Variants in SNTG1 observed in about 807,000 individuals in gnomAD.
SNTG1 encodes syntrophin gamma 1.
A neutral mutation model predicts 74.7 loss-of-function variants in SNTG1; 39 were observed. The observed-to-expected ratio is 0.52, with a 90% confidence interval of 0.40 to 0.68. The LOEUF is 0.68. Ranked by LOEUF, SNTG1 falls within the 30% of genes least tolerant of loss-of-function variation. The pLI, the probability that SNTG1 is intolerant of heterozygous loss-of-function variation, is 0.00. For missense variants in SNTG1, 685 were observed against 609.5 expected, an observed-to-expected ratio of 1.12 and a Z score of -1.30; for synonymous variants, 254 against 217.1, an observed-to-expected ratio of 1.17 and a Z score of -1.49.
intron 2 of SNTG1, among the ~76,000 whole-genome samples, chr8:50,208,156 G>C (rs2084336301): frequency 6.6e-6 from 1 of 152,174 alleles, no homozygotes; most frequent in South Asian, 2.1e-4. Context: ...GTGTAATGTG[G>C]ACAGTGGGAT....
intron 1 of SNTG1, among the ~76,000 whole-genome samples, chr8:49,990,173 C>A (rs916558988): frequency 6.6e-6 from 1 of 151,794 alleles, no homozygotes; most frequent in African/African-American, 2.4e-5. Flanking sequence ...TGATCTTGTA[C>A]ATAGAAAATC....
At chr8:49,914,155 T>TCAAA (rs1438137462) in intron 1 of SNTG1, among the ~76,000 whole-genome samples, 1 of 152,118 alleles carries the variant, frequency 6.6e-6, no homozygotes, top group African/African-American at 2.4e-5. Flanking sequence ...AAGTAGATAG[T>TCAAA]CAAACAAACA....
intron 1 of SNTG1, among the ~76,000 whole-genome samples, chr8:50,095,253 C>T (rs917144500): frequency 2.0e-5 from 3 of 151,852 alleles, no homozygotes; most frequent in Non-Finnish European, 4.4e-5. Flanking sequence ...CAAACCCCAG[C>T]AATGCATAAT....
intron 1 of SNTG1, among the ~76,000 whole-genome samples, chr8:49,948,827 G>A (rs923545038): frequency 3.9e-5 from 6 of 152,148 alleles, no homozygotes; most frequent in South Asian, 2.1e-4. Context: ...GGAAAGAAGC[G>A]GTTCTCCCCT....
intron 2 of SNTG1, among the ~76,000 whole-genome samples, chr8:50,363,088 G>A (rs1021595665): frequency 1.3e-5 from 2 of 152,022 alleles, no homozygotes; most frequent in African/African-American, 4.8e-5. Context: ...TTATTTTTAA[G>A]GCTAAATAAT....
At chr8:50,284,042 C>T (rs999008426) in intron 2 of SNTG1, among the ~76,000 whole-genome samples, 3 of 152,052 alleles carry the variant, frequency 2.0e-5, no homozygotes, top group South Asian at 2.1e-4. Flanking sequence ...TCCCAGTCCA[C>T]GATGCCTTCC....
chr8:50,420,165 T>C (rs2093064671), intron 4 of SNTG1, among the ~76,000 whole-genome samples: 1 of 152,166 alleles, frequency 6.6e-6, no homozygotes, highest in South Asian at 2.1e-4. Flanking sequence ...TATGAATTTA[T>C]GTATTCTGGA....
intron 9 of SNTG1, among the ~76,000 whole-genome samples, chr8:50,522,537 G>A (rs934787347): frequency 4.0e-5 from 6 of 151,076 alleles, no homozygotes; most frequent in African/African-American, 1.5e-4. Flanking sequence ...CCCCTAACAA[G>A]AGTTCGCTGA....
intron 8 of SNTG1, among the ~76,000 whole-genome samples, chr8:50,466,035 C>T (rs1340747841): frequency 6.6e-6 from 1 of 152,020 alleles, no homozygotes; most frequent in African/African-American, 2.4e-5. Context: ...GTGGCTATAC[C>T]ATTTTGTGTA....
chr8:50,244,067 G>C (rs1052247097), intron 2 of SNTG1, among the ~76,000 whole-genome samples: 2 of 152,056 alleles, frequency 1.3e-5, no homozygotes, highest in East Asian at 3.9e-4. Flanking sequence ...GCATCTGCTT[G>C]GCTTCTGGGG....
At chr8:50,291,416 G>T (rs79054467) in intron 2 of SNTG1, among the ~76,000 whole-genome samples, 2 of 152,006 alleles carry the variant, frequency 1.3e-5, no homozygotes, top group Admixed American at 1.3e-4. Flanking sequence ...ATCAAGTGGG[G>T]TAACTATTCT....
intron 12 of SNTG1, among the ~76,000 whole-genome samples, chr8:50,558,012 C>T (rs558623123): frequency 1.3e-5 from 2 of 152,232 alleles, no homozygotes; most frequent in African/African-American, 2.4e-5. Flanking sequence ...CTTACTGGAT[C>T]GCAGCATCAC....
At chr8:50,147,724 TACAG>T (rs1430919466) in intron 1 of SNTG1, among the ~76,000 whole-genome samples, 1 of 152,156 alleles carries the variant, frequency 6.6e-6, no homozygotes, top group African/African-American at 2.4e-5. Flanking sequence ...CAATAACAGA[TACAG>T]ACAGATACAT....
intron 1 of SNTG1, among the ~76,000 whole-genome samples, chr8:50,004,954 C>A (rs897520393): frequency 4.6e-5 from 7 of 152,162 alleles, no homozygotes; most frequent in Non-Finnish European, 8.8e-5. Flanking sequence ...CGCATGAAAC[C>A]TCCCTGACTG....
chr8:50,620,038 A>G (rs2094911584), intron 13 of SNTG1, among the ~76,000 whole-genome samples: 1 of 152,146 alleles, frequency 6.6e-6, no homozygotes, highest in Non-Finnish European at 1.5e-5. Context: ...GAAGATGCAC[A>G]TGAGTCTCAT....
At chr8:49,969,354 TCAAAAG>T (rs1013047778) in intron 1 of SNTG1, among the ~76,000 whole-genome samples, 2 of 150,678 alleles carry the variant, frequency 1.3e-5, no homozygotes, top group African/African-American at 4.9e-5. Context: ...ACAAAAATTC[TCAAAAG>T]CAAATACACA....
intron 2 of SNTG1, among the ~76,000 whole-genome samples, chr8:50,291,040 A>T (rs572314576): frequency 1.4e-4 from 22 of 152,158 alleles, no homozygotes; most frequent in African/African-American, 5.1e-4. Flanking sequence ...GCAGACATTG[A>T]CCACCCTATA....
chr8:50,123,735 G>A lies in SNTG1; in HGVS notation c.-102-48826G>A, dbSNP rs564549018. The stretch of plus-strand genomic sequence containing the variant: ...GGTGACATTGTAGAGGCCAAAAGAA[G>A]GGACATCTTCAAGCAAACCAGTCCT... On this transcript the variant is annotated intron_variant, in intron 1 of 18. Coordinates refer to ENST00000642720, the MANE Select transcript of SNTG1 (RefSeq NM_018967.5). Among the ~76,000 whole-genome samples the A allele has an allele frequency of 1.8e-4, 26 of 141,834 alleles. 3 individuals carry two copies. The highest frequency in any genetic ancestry group is 1.7e-3 in the Admixed American group (24 of 13,806). The allele number at this position is 141,834 out of a possible 152,430, so 93.0% of individuals were successfully genotyped here. A position where few individuals can be genotyped will look rare whatever the true frequency, so the allele number is the denominator to read the frequency against.
At chr8:50,705,882 A>G (rs980177525) in intron 16 of SNTG1, among the ~76,000 whole-genome samples, 9 of 152,252 alleles carry the variant, frequency 5.9e-5, no homozygotes, top group Non-Finnish European at 1.3e-4. Flanking sequence ...AAAGGTTTTC[A>G]TGCGCTTGCC....
Sources: gnomAD v4.1 joint callset for allele counts (sites outside exome capture counted in the v4.1 genomes callset) on GRCh38, gnomAD v4.1.1 for gene constraint, MANE v1.5 for transcripts, NCBI Gene and HGNC (gene_info 2026-07-23, HGNC 2026-07-21) for gene names.